The following LUZP2 variants were observed in gnomAD, a reference collection of about 807,000 sequenced individuals.
The protein encoded by LUZP2 is leucine zipper protein 2.
Under a neutral mutation model 51.6 loss-of-function variants are expected in LUZP2, and 52 were observed. The observed-to-expected ratio is 1.01, with a 90% CI of 0.81 to 1.27. The LOEUF is 1.27. Among genes scored for constraint, LUZP2 ranks in the 50% most tolerant of loss-of-function variants. LUZP2 has a pLI of 0.00. For missense variants in LUZP2, 436 were observed against 395.4 expected (o/e 1.10, Z -0.87); for synonymous variants, 154 against 137.3 (o/e 1.12, Z -0.85).
intron 1 of LUZP2, among the ~76,000 whole-genome samples, chr11:24,697,942 C>T (rs1437161200): frequency 2.0e-5 from 3 of 152,136 alleles, no homozygotes; most frequent in Non-Finnish European, 4.4e-5. Context: ...GTGACCCCCA[C>T]CCAGAAGCTG....
chr11:24,824,535 A>G (rs1424611823), intron 5 of LUZP2, among the ~76,000 whole-genome samples: 2 of 151,994 alleles, frequency 1.3e-5, no homozygotes, highest in Non-Finnish European at 2.9e-5. Flanking sequence ...ACAGTGAGCT[A>G]AGAAGTAAGT....
intron 1 of LUZP2, among the ~76,000 whole-genome samples, chr11:24,710,261 A>T (rs995945865): frequency 1.3e-5 from 2 of 152,114 alleles, no homozygotes; most frequent in South Asian, 4.1e-4. Context: ...AGAATCTGAG[A>T]TATCATGTAG....
In LUZP2 at chr11:24,584,928, T is replaced by C. The variant is rs959871654; in HGVS notation, c.62+87623T>C. 4.6e-5 allele frequency among the ~76,000 whole-genome samples: 7 copies of C among 152,192 alleles called. 1 individual carries two copies. Among genetic ancestry groups the C allele is most frequent in the Admixed American group, 1.3e-4 (2 of 15,280 alleles). ...CAGAAAACTAAAATGAGCTAAGCAC[T>C]TGTGTGCCTTCCACCTACATAATCT... On this transcript the variant is annotated intron_variant, in intron 1 of 11. Transcript: ENST00000336930.
At chr11:24,839,731 C>T (rs1850966018) in intron 5 of LUZP2, among the ~76,000 whole-genome samples, 1 of 151,624 alleles carries the variant, frequency 6.6e-6, no homozygotes, top group Non-Finnish European at 1.5e-5. Flanking sequence ...ATACAGAACA[C>T]TCTCGGGGTC....
intron 10 of LUZP2, among the ~76,000 whole-genome samples, chr11:25,076,731 T>A (rs755609713): frequency 0.014 from 1,359 of 98,130 alleles, 23 homozygotes; most frequent in African/African-American, 0.039. Flanking sequence ...CCAAGTGGAA[T>A]CCTTTTTTTT....
intron 1 of LUZP2, among the ~76,000 whole-genome samples, chr11:24,524,406 T>C (rs1165466638): frequency 1.3e-5 from 2 of 151,736 alleles, no homozygotes; most frequent in Non-Finnish European, 3.0e-5. Flanking sequence ...CGTTTATAGA[T>C]AAGTGCTCTT....
intron 1 of LUZP2, among the ~76,000 whole-genome samples, chr11:24,637,635 G>A (rs1186601254): frequency 2.0e-5 from 3 of 151,776 alleles, no homozygotes; most frequent in African/African-American, 7.3e-5. Context: ...CTCTAGGGGT[G>A]TCTGTCTTAT....
At chr11:24,955,637 C>T (rs2133869715) in intron 7 of LUZP2, among the ~76,000 whole-genome samples, 1 of 152,098 alleles carries the variant, frequency 6.6e-6, no homozygotes, top group Non-Finnish European at 1.5e-5. Context: ...GAATAATTCA[C>T]CTCTCGTTGG....
intron 1 of LUZP2, among the ~76,000 whole-genome samples, chr11:24,708,160 C>CA (rs1050857014): frequency 1.3e-5 from 2 of 151,894 alleles, no homozygotes; most frequent in Admixed American, 1.3e-4. Context: ...AAGTAGAAGG[C>CA]AAAAAATTGA....
At chr11:25,039,682 C>G (rs185592282) in intron 9 of LUZP2, among the ~76,000 whole-genome samples, 40 of 152,258 alleles carry the variant, frequency 2.6e-4, no homozygotes, top group African/African-American at 8.9e-4. Context: ...AACTAAGATC[C>G]TAGAGGTCCA....
At chr11:24,878,940 G>T (rs893636950) in intron 5 of LUZP2, among the ~76,000 whole-genome samples, 3 of 151,090 alleles carry the variant, frequency 2.0e-5, no homozygotes, top group Non-Finnish European at 2.9e-5. Flanking sequence ...CCCTGCAAAA[G>T]ACATGATCTA....
intron 5 of LUZP2, among the ~76,000 whole-genome samples, chr11:24,848,615 C>G (rs564115512): frequency 2.6e-4 from 40 of 152,248 alleles, no homozygotes; most frequent in African/African-American, 9.1e-4. Flanking sequence ...CCATCACAGC[C>G]TCTGCATCTT....
intron 7 of LUZP2, among the ~76,000 whole-genome samples, chr11:24,973,534 G>A (rs1001818729): frequency 3.3e-5 from 5 of 151,654 alleles, no homozygotes; most frequent in Admixed American, 1.3e-4. Flanking sequence ...GTGTTGTCAC[G>A]TTGTTAATCT....
At chr11:24,913,232 C>A (rs1475997386) in intron 6 of LUZP2, among the ~76,000 whole-genome samples, 5 of 152,044 alleles carry the variant, frequency 3.3e-5, no homozygotes, top group Non-Finnish European at 5.9e-5. Context: ...TATTTGTTTG[C>A]CTTTTAGAAT....
intron 7 of LUZP2, among the ~76,000 whole-genome samples, chr11:24,959,062 T>C (rs1335081527): frequency 6.6e-6 from 1 of 152,198 alleles, no homozygotes; most frequent in East Asian, 1.9e-4. Context: ...ATGAGATAGT[T>C]ATAGATGTGT....
At chr11:24,591,675 C>A (rs1040130660) in intron 1 of LUZP2, among the ~76,000 whole-genome samples, 20 of 152,164 alleles carry the variant, frequency 1.3e-4, no homozygotes, top group Admixed American at 7.9e-4. Context: ...CGACCTTGAG[C>A]AAGTCATGTA....
At chr11:24,965,930 T>A (rs1030766302) in intron 7 of LUZP2, among the ~76,000 whole-genome samples, 6 of 151,784 alleles carry the variant, frequency 4.0e-5, no homozygotes, top group Non-Finnish European at 8.9e-5. Flanking sequence ...ACACAGGGAA[T>A]CTGAGATCAA....
At chr11:24,589,629 G>A (rs1197604371) in intron 1 of LUZP2, among the ~76,000 whole-genome samples, 1 of 152,090 alleles carries the variant, frequency 6.6e-6, no homozygotes, top group Non-Finnish European at 1.5e-5. Context: ...CTGGTGCTTA[G>A]GTTACAATTT....
intron 5 of LUZP2, among the ~76,000 whole-genome samples, chr11:24,781,858 A>G (rs1849103460): frequency 6.6e-6 from 1 of 152,044 alleles, no homozygotes; most frequent in Non-Finnish European, 1.5e-5. Flanking sequence ...TGAAACTTTA[A>G]TATGTATGAA....
Sources: gnomAD v4.1 joint callset for allele counts (sites outside exome capture counted in the v4.1 genomes callset) on GRCh38, gnomAD v4.1.1 for gene constraint, MANE v1.5 for transcripts, NCBI Gene and HGNC (gene_info 2026-07-23, HGNC 2026-07-21) for gene names.